Variants in AMOTL1 observed in about 807,000 individuals in gnomAD.
AMOTL1 encodes angiomotin like 1.
AMOTL1 carries 45 observed loss-of-function variants against 102.9 expected under a neutral mutation model. The ratio of observed to expected loss-of-function variants is 0.44; its 90% CI spans 0.34 to 0.56. The LOEUF (loss-of-function observed/expected upper bound fraction) is 0.56, where lower values mean the gene tolerates loss of function less well. Among genes scored for constraint, AMOTL1 ranks in the 20% least tolerant of loss-of-function variants. AMOTL1 has a pLI of 0.01. For missense variants in AMOTL1, 1,114 were observed against 1,225.6 expected, an observed-to-expected ratio of 0.91 and a Z score of 1.36; for synonymous variants, 481 against 484.7, an observed-to-expected ratio of 0.99 and a Z score of 0.10.
Position 94,820,221 on chromosome 11 carries a change from T to G in AMOTL1, c.1122-1309T>G, listed in dbSNP as rs889231623. 4 of 150,992 alleles carry G rather than the reference T, an allele frequency of 2.6e-5. No individual in the cohort carries two copies. The Admixed American group carries it at 2.7e-4, about 10-fold the overall frequency. 9.4% of individuals were successfully genotyped at this position (150,992 alleles called of 1,614,324 possible). A position where few individuals can be genotyped will look rare whatever the true frequency, so the allele number is the denominator to read the frequency against. ...TGATATATACAAAATGAATCCCAATTTCTGAGTGTTTCTCTTCTGCCACTA... is the reference window on the plus strand; with the variant it reads ...TGATATATACAAAATGAATCCCAATGTCTGAGTGTTTCTCTTCTGCCACTA... On this transcript the variant is annotated intron_variant, in intron 3 of 12. Coordinates refer to ENST00000433060, the MANE Select transcript of AMOTL1 (RefSeq NM_130847.3).
intron 4 of AMOTL1, among the ~76,000 whole-genome samples, chr11:94,829,326 G>A (rs965612038): frequency 4.0e-5 from 6 of 151,178 alleles, no homozygotes; most frequent in East Asian, 2.0e-4. Flanking sequence ...AGGCTCAAGC[G>A]ATCCTTCCAC....
At chr11:94,788,382 G>C (rs1337955783) in intron 1 of AMOTL1, among the ~76,000 whole-genome samples, 2 of 152,172 alleles carry the variant, frequency 1.3e-5, no homozygotes, top group African/African-American at 2.4e-5. Flanking sequence ...TCCTTAAAGA[G>C]ACAACACTTT....
rs544450379 is a variant in AMOTL1 at position 94,741,589 on chromosome 11, C to T, written c.136+601C>T. On this transcript the variant is annotated intron_variant, in intron 3 of 4. Coordinates refer to the AMOTL1 transcript ENST00000299004. ...GCCTGTCATGGTAAGTGGAGATTTGCGATGGGTGAACCGGGACACTCTTGT... is the reference window on the plus strand; with the variant it reads ...GCCTGTCATGGTAAGTGGAGATTTGTGATGGGTGAACCGGGACACTCTTGT... 7.9e-5 allele frequency among the ~76,000 whole-genome samples: 12 copies of T among 152,138 alleles called. No homozygotes were observed. In the East Asian group the frequency reaches 1.5e-3, roughly 20 times the overall value.
rs146251183 is a variant in AMOTL1 at position 94,788,198 on chromosome 11, T to TAA, written c.50-6813_50-6812insAA. Among the ~76,000 whole-genome samples the TAA allele has an allele frequency of 8.9e-3, 1,352 of 152,288 alleles. 16 individuals carry two copies. The highest frequency in any genetic ancestry group is 0.061 in the Middle Eastern group (18 of 294). On this transcript the variant is annotated intron_variant, in intron 1 of 12. Coordinates refer to ENST00000433060, the MANE Select transcript of AMOTL1 (RefSeq NM_130847.3). ...ACAGTGAGTTCAGTGTTCCCTAACATTGAAAGGATTTACTTAGGTGACTAT... is the reference window on the plus strand; with the variant it reads ...ACAGTGAGTTCAGTGTTCCCTAACATAATGAAAGGATTTACTTAGGTGACTAT...
intron 3 of AMOTL1, among the ~76,000 whole-genome samples, chr11:94,749,650 T>C (rs565538221): frequency 5.9e-5 from 9 of 152,314 alleles, no homozygotes; most frequent in Non-Finnish European, 1.2e-4. Context: ...TTAGACTGTC[T>C]TCAGTCACTC....
chr11:94,858,905 A>G (rs1952718872), intron 8 of AMOTL1, among the ~76,000 whole-genome samples: 1 of 152,234 alleles, frequency 6.6e-6, no homozygotes, highest in South Asian at 2.1e-4. Context: ...AGGCCGAAAA[A>G]TGAGCTTGCC....
At chr11:94,836,903 A>C (rs1459242986) in intron 6 of AMOTL1, among the ~76,000 whole-genome samples, 1 of 151,956 alleles carries the variant, frequency 6.6e-6, no homozygotes, top group Non-Finnish European at 1.5e-5. Context: ...CCTGCTGTGG[A>C]TATGTTGGAG....
At chr11:94,745,620 G>A (rs899660641) in intron 3 of AMOTL1, among the ~76,000 whole-genome samples, 5 of 152,106 alleles carry the variant, frequency 3.3e-5, no homozygotes, top group Admixed American at 2.6e-4. Flanking sequence ...GTGACCTTGG[G>A]CAGGTGATTA....
At chr11:94,802,222 T>TAATA (rs1951491976) in intron 3 of AMOTL1, among the ~76,000 whole-genome samples, 1 of 152,226 alleles carries the variant, frequency 6.6e-6, no homozygotes, top group South Asian at 2.1e-4. Context: ...TCCCCCTTTA[T>TAATA]AGCTCCTTGA....
intron 1 of AMOTL1, among the ~76,000 whole-genome samples, chr11:94,771,267 G>T (rs1032397469): frequency 6.3e-5 from 9 of 143,192 alleles, no homozygotes; most frequent in East Asian, 2.2e-4. Flanking sequence ...GTTGGGGGGG[G>T]GGTGCGGTGT....
At chr11:94,791,720 C>T (rs1392235232) in intron 1 of AMOTL1, among the ~76,000 whole-genome samples, 1 of 152,214 alleles carries the variant, frequency 6.6e-6, no homozygotes, top group Non-Finnish European at 1.5e-5. Context: ...TGTGGTTTCT[C>T]CCAGCTCTCG....
At chr11:94,726,025 C>T (rs1283836011) in intron 1 of AMOTL1, among the ~76,000 whole-genome samples, 1 of 152,074 alleles carries the variant, frequency 6.6e-6, no homozygotes, top group Non-Finnish European at 1.5e-5. Context: ...TCAACAAAGG[C>T]TGAGGCAATG....
At chr11:94,832,488 T>C (rs1313706748) in intron 6 of AMOTL1, among the ~76,000 whole-genome samples, 2 of 152,252 alleles carry the variant, frequency 1.3e-5, no homozygotes, top group Non-Finnish European at 2.9e-5. Flanking sequence ...TGATTAATTA[T>C]TGCATTCCAG....
intron 3 of AMOTL1, among the ~76,000 whole-genome samples, chr11:94,801,061 C>T (rs1301906132): frequency 6.6e-6 from 1 of 152,146 alleles, no homozygotes; most frequent in Non-Finnish European, 1.5e-5. Flanking sequence ...AGATCATTGC[C>T]ATTCAATGTG....
intron 6 of AMOTL1, among the ~76,000 whole-genome samples, chr11:94,844,367 A>AC (rs1263278784): frequency 6.6e-6 from 1 of 151,962 alleles, no homozygotes; most frequent in African/African-American, 2.4e-5. Context: ...AGAGACCTAA[A>AC]CCCCCCAAAT....
intron 3 of AMOTL1, among the ~76,000 whole-genome samples, chr11:94,748,721 C>T (rs971134851): frequency 6.6e-6 from 1 of 152,128 alleles, no homozygotes; most frequent in African/African-American, 2.4e-5. Flanking sequence ...ACCCACTTAC[C>T]ATCCTTTATC....
At chr11:94,724,902 T>C (rs1477397677) in intron 1 of AMOTL1, among the ~76,000 whole-genome samples, 8 of 152,146 alleles carry the variant, frequency 5.3e-5, no homozygotes, top group African/African-American at 1.7e-4. Context: ...ATCTGAATGA[T>C]GGAATATGCT....
intron 1 of AMOTL1, among the ~76,000 whole-genome samples, chr11:94,726,002 A>C (rs1291880103): frequency 3.9e-5 from 6 of 152,150 alleles, no homozygotes; most frequent in African/African-American, 1.2e-4. Context: ...GCTTAGTGAG[A>C]GATGATGGCA....
intron 8 of AMOTL1, among the ~76,000 whole-genome samples, chr11:94,858,915 C>T (rs1952719165): frequency 6.6e-6 from 1 of 152,146 alleles, no homozygotes; most frequent in South Asian, 2.1e-4. Context: ...ATGAGCTTGC[C>T]TTATGCTAGA....
Sources: allele counts gnomAD v4.1 joint callset (sites outside exome capture counted in the v4.1 genomes callset), GRCh38; gene constraint gnomAD v4.1.1; transcripts MANE v1.5; gene names NCBI Gene and HGNC (gene_info 2026-07-23, HGNC 2026-07-21).